SERGEF: variants seen among roughly 807,000 people sequenced by gnomAD.
SERGEF encodes secretion-regulating guanine nucleotide exchange factor.
SERGEF carries 51 observed loss-of-function variants against 50.0 expected under a neutral mutation model. The observed-to-expected ratio is 1.02, with a 90% CI of 0.81 to 1.29. The LOEUF (loss-of-function observed/expected upper bound fraction) is 1.29. Among genes scored for constraint, SERGEF ranks in the 50% most tolerant of loss-of-function variants. SERGEF has a pLI of 0.00. For synonymous variants in SERGEF, 205 were observed against 212.4 expected, an observed-to-expected ratio of 0.97 and a Z score of 0.30; for missense variants, 521 against 557.0, an observed-to-expected ratio of 0.94 and a Z score of 0.65.
chr11:17,917,564 A>C (rs1852072939), intron 9 of SERGEF, among the ~76,000 whole-genome samples: 2 of 152,222 alleles, frequency 1.3e-5, no homozygotes, highest in Admixed American at 1.3e-4. Flanking sequence ...AAATCTATGG[A>C]AATATAAATA....
intron 9 of SERGEF, among the ~76,000 whole-genome samples, chr11:17,952,456 C>T (rs1287998756): frequency 1.3e-5 from 2 of 152,268 alleles, no homozygotes; most frequent in African/African-American, 4.8e-5. Context: ...CAGAACTGGC[C>T]CCTTCACAGT....
At chr11:17,941,551 G>T (rs1026376151) in intron 9 of SERGEF, among the ~76,000 whole-genome samples, 9 of 152,274 alleles carry the variant, frequency 5.9e-5, no homozygotes, top group African/African-American at 1.4e-4. Flanking sequence ...CACTTGGGTT[G>T]CTTCCACTTT....
At chr11:17,848,741 AG>A (rs1296050365) in intron 10 of SERGEF, among the ~76,000 whole-genome samples, 1 of 152,190 alleles carries the variant, frequency 6.6e-6, no homozygotes, top group Non-Finnish European at 1.5e-5. Flanking sequence ...TTAACCATAA[AG>A]TTTTTTTCCA....
intron 5 of SERGEF, chr11:17,999,346 C>T (rs1187984802): frequency 6.9e-6 from 2 of 290,788 alleles, no homozygotes; most frequent in Non-Finnish European, 1.4e-5. Context: ...TAGGGGAAAC[C>T]GGGAGAGAAC....
chr11:17,821,702 A>G (rs1320237874), intron 10 of SERGEF, among the ~76,000 whole-genome samples: 1 of 152,206 alleles, frequency 6.6e-6, no homozygotes, highest in East Asian at 1.9e-4. Context: ...TATCACATAG[A>G]TTAATCTCTC....
intron 10 of SERGEF, among the ~76,000 whole-genome samples, chr11:17,850,407 A>G (rs1322786023): frequency 6.6e-6 from 1 of 152,208 alleles, no homozygotes; most frequent in East Asian, 1.9e-4. Context: ...ACACACGTAC[A>G]CATACAGGGC....
chr11:17,902,037 C>G (rs975229581), intron 9 of SERGEF, among the ~76,000 whole-genome samples: 2 of 152,200 alleles, frequency 1.3e-5, no homozygotes, highest in African/African-American at 4.8e-5. Flanking sequence ...TCCAAAACTC[C>G]ATTCTTCCCT....
intron 8 of SERGEF, among the ~76,000 whole-genome samples, chr11:17,961,291 CT>C (rs1852992019): frequency 6.6e-6 from 1 of 152,136 alleles, no homozygotes. Context: ...CAAGATTAGC[CT>C]CTTAAAAACC....
At chr11:17,817,962 C>G (rs543094847) in intron 10 of SERGEF, among the ~76,000 whole-genome samples, 6 of 152,298 alleles carry the variant, frequency 3.9e-5, no homozygotes, top group African/African-American at 1.4e-4. Context: ...ATCAGGAAGG[C>G]TCTTCCAGCA....
At position 17,911,635 on chromosome 11, in the gene SERGEF, G is replaced by A. The variant is rs148625194; in HGVS notation, c.1012-33391C>T. ...CCCAAGTAGTTGGGACTACAGGTGC[G>A]CACCACCACACCCAGCTAATTTTTG... is the stretch of plus-strand genomic sequence containing the variant. On this transcript the variant is annotated intron_variant, in intron 9 of 10. Transcript: ENST00000265965. Among the ~76,000 whole-genome samples, 1,245 of 151,642 alleles carry A rather than the reference G, an allele frequency of 8.2e-3. 13 individuals are homozygous for A. Among genetic ancestry groups the A allele is most frequent in the African/African-American group, 0.028 (1,163 of 41,342 alleles).
chr11:17,947,950 C>CTT (rs397848456), intron 9 of SERGEF, among the ~76,000 whole-genome samples: 27 of 133,554 alleles, frequency 2.0e-4, no homozygotes, highest in South Asian at 4.8e-4. Context: ...CTAATCCATT[C>CTT]TTTTTTTTTT....
intron 8 of SERGEF, among the ~76,000 whole-genome samples, chr11:17,968,853 AG>A (rs1853187424): frequency 6.6e-6 from 1 of 152,178 alleles, no homozygotes; most frequent in Non-Finnish European, 1.5e-5. Flanking sequence ...GAAAGGAGAC[AG>A]GCAGTGCTGG....
At chr11:18,002,408 C>A (rs1161522593) in intron 4 of SERGEF, among the ~76,000 whole-genome samples, 1 of 152,166 alleles carries the variant, frequency 6.6e-6, no homozygotes. Flanking sequence ...ACCCACTCTA[C>A]CCTGGAACTT....
chr11:18,004,048 T>A (rs978929415), intron 4 of SERGEF, among the ~76,000 whole-genome samples: 1 of 152,028 alleles, frequency 6.6e-6, no homozygotes, highest in African/African-American at 2.4e-5. Flanking sequence ...TGGCTCACAT[T>A]ATATTTCTAC....
chr11:17,981,897 C>T (rs1209602719), intron 8 of SERGEF, among the ~76,000 whole-genome samples: 1 of 152,086 alleles, frequency 6.6e-6, no homozygotes, highest in Admixed American at 6.5e-5. Context: ...ACCTCCTGGG[C>T]TCAAGCCATC....
chr11:17,846,207 G>A (rs1404018467), intron 10 of SERGEF, among the ~76,000 whole-genome samples: 1 of 152,186 alleles, frequency 6.6e-6, no homozygotes, highest in Non-Finnish European at 1.5e-5. Flanking sequence ...TTCGTGCTGT[G>A]CATAATGAAT....
chr11:17,966,384 A>C (rs903122306), intron 8 of SERGEF, among the ~76,000 whole-genome samples: 12 of 152,212 alleles, frequency 7.9e-5, no homozygotes, highest in Non-Finnish European at 1.8e-4. Context: ...TCTAGGCTGC[A>C]TGGCCTTGAA....
intron 9 of SERGEF, among the ~76,000 whole-genome samples, chr11:17,912,825 T>C (rs980585531): frequency 1.3e-5 from 2 of 152,182 alleles, no homozygotes; most frequent in African/African-American, 2.4e-5. Context: ...CTTCAACAAG[T>C]CACAGCCTTC....
At position 17,887,792 on chromosome 11, in the gene SERGEF, T is replaced by C. The variant is rs577566961; in HGVS notation, c.1012-9548A>G. On this transcript the variant is annotated intron_variant, in intron 9 of 10. Transcript: ENST00000265965. ...ATAAAAATATGAAATAACACAAATA[T>C]TCATCATCAGTATAATGGATACAGT... Among the ~76,000 whole-genome samples the C allele has an allele frequency of 1.8e-4, 27 of 152,328 alleles. No individual in the cohort carries two copies. In the South Asian group the frequency reaches 5.6e-3, roughly 32 times the overall value.
Sources: allele counts gnomAD v4.1 joint callset (sites outside exome capture counted in the v4.1 genomes callset), GRCh38; gene constraint gnomAD v4.1.1; transcripts MANE v1.5; gene names NCBI Gene and HGNC (gene_info 2026-07-23, HGNC 2026-07-21).